PDE4B: variants seen among roughly 807,000 people sequenced by gnomAD.
PDE4B encodes phosphodiesterase 4B.
PDE4B carries 20 observed loss-of-function variants against 82.2 expected under a neutral mutation model. The ratio of observed to expected loss-of-function variants is 0.24; its 90% confidence interval spans 0.17 to 0.35. The LOEUF is 0.35. PDE4B is among the 10% of genes least tolerant of loss of function. The pLI, the probability that PDE4B is intolerant of heterozygous loss-of-function variation, is 1.00. For synonymous variants in PDE4B, 320 were observed against 318.9 expected, an observed-to-expected ratio of 1.00 and a Z score of -0.04; for missense variants, 655 against 907.2, an observed-to-expected ratio of 0.72 and a Z score of 3.57.
In PDE4B at chr1:66,285,270, G is replaced by A. The variant is rs571560040; in HGVS notation, c.634+19183G>A. Among the ~76,000 whole-genome samples, 26 of 151,958 alleles carry A rather than the reference G, an allele frequency of 1.7e-4. 1 individual carries two copies. Among genetic ancestry groups the A allele is most frequent in the South Asian group, 1.0e-3 (5 of 4,826 alleles). ...TATCTACACAACACAAATTGAAGAC[G>A]TATAGTCTTTCAATATATGTTCCAC... is the stretch of plus-strand genomic sequence containing the variant. On this transcript the variant is annotated intron_variant, in intron 7 of 16. Transcript: ENST00000341517.
chr1:66,101,352 C>T (rs138521044), intron 3 of PDE4B, among the ~76,000 whole-genome samples: 9,531 of 152,126 alleles, frequency 0.063, 432 homozygotes, highest in South Asian at 0.18. Flanking sequence ...TGTCCAGTAA[C>T]GGGATGGCTG....
chr1:66,249,135 G>A (rs1427929668), intron 4 of PDE4B, among the ~76,000 whole-genome samples: 4 of 152,242 alleles, frequency 2.6e-5, no homozygotes, highest in African/African-American at 9.6e-5. Context: ...GAGGTAGGTA[G>A]CCAGCAACTT....
At chr1:65,867,159 T>C (rs1306952622) in intron 1 of PDE4B, among the ~76,000 whole-genome samples, 1 of 152,198 alleles carries the variant, frequency 6.6e-6, no homozygotes, top group East Asian at 1.9e-4. Flanking sequence ...TAGTGTGGAA[T>C]ATGTCTGAAA....
chr1:66,199,275 G>C (rs558854006), intron 3 of PDE4B, among the ~76,000 whole-genome samples: 1 of 151,594 alleles, frequency 6.6e-6, no homozygotes, highest in Non-Finnish European at 1.5e-5. Flanking sequence ...AGCACCTGTT[G>C]TTTCCTGACT....
chr1:65,796,638 T>G (rs1645634489), intron 1 of PDE4B, among the ~76,000 whole-genome samples: 1 of 144,458 alleles, frequency 6.9e-6, no homozygotes, highest in African/African-American at 2.5e-5. Flanking sequence ...TGTATTTGCT[T>G]GCTGAAACTT....
At chr1:65,933,166 T>C (rs1647931682) in intron 3 of PDE4B, among the ~76,000 whole-genome samples, 1 of 152,098 alleles carries the variant, frequency 6.6e-6, no homozygotes, top group African/African-American at 2.4e-5. Context: ...AATTATATTG[T>C]CAAAAGTCAA....
intron 10 of PDE4B, 31 bp downstream of exon 10, chr1:66,361,824 GC>G (rs769498356): frequency 1.9e-6 from 3 of 1,568,824 alleles, no homozygotes; most frequent in Non-Finnish European, 2.6e-6. Flanking sequence ...TGTGCATGTA[GC>G]TCTCTGCTTT....
At chr1:65,955,347 A>T (rs1426312894) in intron 3 of PDE4B, among the ~76,000 whole-genome samples, 1 of 152,106 alleles carries the variant, frequency 6.6e-6, no homozygotes. Flanking sequence ...TACTACATCC[A>T]CTAAAGTCAA....
At chr1:66,013,788 T>C (rs1652621266) in intron 3 of PDE4B, among the ~76,000 whole-genome samples, 1 of 152,180 alleles carries the variant, frequency 6.6e-6, no homozygotes, top group African/African-American at 2.4e-5. Context: ...TTTGAGACTC[T>C]ACTTTTATTT....
intron 3 of PDE4B, among the ~76,000 whole-genome samples, chr1:66,021,881 G>T (rs1451184467): frequency 6.6e-6 from 1 of 152,144 alleles, no homozygotes; most frequent in Non-Finnish European, 1.5e-5. Flanking sequence ...GGATGGCATT[G>T]AATCTATAAA....
intron 3 of PDE4B, among the ~76,000 whole-genome samples, chr1:66,089,670 C>T (rs1012586531): frequency 6.6e-6 from 1 of 151,992 alleles, no homozygotes; most frequent in African/African-American, 2.4e-5. Flanking sequence ...ATAATCACAT[C>T]AACTTCTTAA....
At chr1:65,871,016 TATG>T (rs757027215) in intron 1 of PDE4B, among the ~76,000 whole-genome samples, 16 of 152,008 alleles carry the variant, frequency 1.1e-4, no homozygotes, top group Non-Finnish European at 2.2e-4. Context: ...AGCCCCAGGG[TATG>T]ATCAACATTG....
chr1:65,898,623 G>A lies in PDE4B; in HGVS notation c.-70-14622G>A, dbSNP rs12047720. Among the ~76,000 whole-genome samples, 352 of 152,150 alleles carry A rather than the reference G, an allele frequency of 2.3e-3. 13 individuals are homozygous for A. In the East Asian group the frequency reaches 0.063, roughly 27 times the overall value. ...GTACTCGTATAAAAATAGGCACACA[G>A]GCCAATGGAACAGAATAGAGAACCC... On this transcript the variant is annotated intron_variant, in intron 1 of 16. Coordinates refer to ENST00000341517, the MANE Select transcript of PDE4B (RefSeq NM_002600.4).
At chr1:65,992,893 A>G (rs752839024) in intron 3 of PDE4B, 1 of 1,610,982 alleles carries the variant, frequency 6.2e-7, no homozygotes, top group Non-Finnish European at 8.5e-7. Flanking sequence ...GAAAGCTAGC[A>G]CTCCTTACAA....
chr1:65,864,293 C>T (rs1571034046), intron 1 of PDE4B, among the ~76,000 whole-genome samples: 1 of 151,884 alleles, frequency 6.6e-6, no homozygotes, highest in Admixed American at 6.6e-5. Context: ...GCTTCCTTGC[C>T]TTGGGTTAGA....
chr1:66,267,976 A>T (rs957771843), intron 7 of PDE4B, among the ~76,000 whole-genome samples: 5 of 152,240 alleles, frequency 3.3e-5, no homozygotes, highest in Non-Finnish European at 5.9e-5. Context: ...AGCAAACAGA[A>T]TTGAGAACTG....
chr1:66,098,380 C>T (rs1276210150), intron 3 of PDE4B, among the ~76,000 whole-genome samples: 1 of 152,180 alleles, frequency 6.6e-6, no homozygotes, highest in African/African-American at 2.4e-5. Context: ...AGGCTGTACA[C>T]TGGACGTTCA....
At chr1:65,885,614 A>C (rs2100359859) in intron 1 of PDE4B, among the ~76,000 whole-genome samples, 1 of 152,088 alleles carries the variant, frequency 6.6e-6, no homozygotes, top group African/African-American at 2.4e-5. Flanking sequence ...CACAAGAACA[A>C]AAAACCAAAC....
chr1:65,907,796 G>C (rs909383357), intron 1 of PDE4B, among the ~76,000 whole-genome samples: 1 of 152,098 alleles, frequency 6.6e-6, no homozygotes, highest in African/African-American at 2.4e-5. Flanking sequence ...TTATATTATT[G>C]TCATTTCATA....
Sources: gnomAD v4.1 joint callset for allele counts (sites outside exome capture counted in the v4.1 genomes callset) on GRCh38, gnomAD v4.1.1 for gene constraint, MANE v1.5 for transcripts, NCBI Gene and HGNC (gene_info 2026-07-23, HGNC 2026-07-21) for gene names.